VPS13A: variants seen among roughly 807,000 people sequenced by gnomAD.
VPS13A encodes vacuolar protein sorting 13 homolog A.
A neutral mutation model predicts 390.9 loss-of-function variants in VPS13A; 264 were observed. That is an observed-to-expected ratio of 0.68 (90% CI 0.61 to 0.75). VPS13A has a LOEUF of 0.75. Ranked by LOEUF, VPS13A falls within the 30% of genes least tolerant of loss-of-function variation. VPS13A has a pLI of 0.00. For missense variants in VPS13A, 3,409 were observed against 3,733.9 expected, an observed-to-expected ratio of 0.91 and a Z score of 2.27; for synonymous variants, 1,231 against 1,227.1, an observed-to-expected ratio of 1.00 and a Z score of -0.07.
At position 77,416,049 on chromosome 9, in the gene VPS13A, G is replaced by C. The variant is rs772790812; in HGVS notation, c.*43G>C. 1 of 1,607,376 alleles carries C rather than the reference G, an allele frequency of 6.2e-7. No homozygotes were observed. The highest frequency in any genetic ancestry group is 8.5e-7 in the Non-Finnish European group (1 of 1,174,276). The stretch of plus-strand genomic sequence containing the variant: ...AGACACACAGCAATAAGTGATTACA[G>C]CTCCTAGACTACCTTCCAAAACCTG... On this transcript the variant is annotated 3_prime_UTR_variant, in exon 72 of 72. Coordinates refer to ENST00000360280, the MANE Select transcript of VPS13A (RefSeq NM_033305.3).
At position 77,405,946 on chromosome 9, in the gene VPS13A, C is replaced by CCATT. The variant is rs1247168815; in HGVS notation, c.9363_9366dup (p.Val3123HisfsTer10). Reference sequence around the variant, plus strand: ...TAGTTTTGATGAATTTACCAAAGAGCCATTCATTGTTCATGGGAGAAGATT... The same window carrying CCATT: ...TAGTTTTGATGAATTTACCAAAGAGCCATTCATTCATTGTTCATGGGAGAAGATT... On this transcript the variant is annotated frameshift_variant, in exon 70 of 72. Coordinates refer to ENST00000360280, the MANE Select transcript of VPS13A (RefSeq NM_033305.3). LOFTEE classifies it high-confidence loss of function. 1.2e-6 allele frequency: 2 copies of CCATT among 1,613,790 alleles called. No homozygotes were observed. The highest frequency in any genetic ancestry group is 1.7e-6 in the Non-Finnish European group (2 of 1,179,950).
intron 41 of VPS13A, 91 bp downstream of exon 41, chr9:77,318,682 G>T (rs1047550507): frequency 3.8e-5 from 48 of 1,251,302 alleles, no homozygotes; most frequent in Non-Finnish European, 5.3e-5. Flanking sequence ...ATGGAATCTT[G>T]TGTAGCTATT....
At chr9:77,380,066 T>G (rs987624647) in intron 67 of VPS13A, among the ~76,000 whole-genome samples, 12 of 152,142 alleles carry the variant, frequency 7.9e-5, no homozygotes, top group African/African-American at 2.9e-4. Context: ...TTTTATCTTT[T>G]TGATGGATTG....
intron 23 of VPS13A, among the ~76,000 whole-genome samples, chr9:77,261,054 C>G (rs907239806): frequency 6.6e-6 from 1 of 152,092 alleles, no homozygotes; most frequent in Non-Finnish European, 1.5e-5. Flanking sequence ...CCCGCCACCA[C>G]GCCAGCTAAT....
At chr9:77,326,854 A>C (rs1473532158) in intron 45 of VPS13A, among the ~76,000 whole-genome samples, 3 of 151,954 alleles carry the variant, frequency 2.0e-5, no homozygotes, top group Non-Finnish European at 2.9e-5. Flanking sequence ...TGAGCCTTAG[A>C]TAATCTACAC....
intron 19 of VPS13A, 89 bp downstream of exon 19, chr9:77,238,475 T>C: frequency 1.0e-6 from 1 of 977,930 alleles, no homozygotes; most frequent in African/African-American, 1.6e-5. Flanking sequence ...TAAAGTTTAT[T>C]TTAAATTTAT....
At chr9:77,382,365 A>C (rs1833490580) in intron 68 of VPS13A, 1 of 1,506,876 alleles carries the variant, frequency 6.6e-7, no homozygotes, top group African/African-American at 1.4e-5. Context: ...TTTACAAACT[A>C]CGTACAGCTG....
chr9:77,267,901 G>C (rs535611010), intron 23 of VPS13A, among the ~76,000 whole-genome samples: 1 of 152,344 alleles, frequency 6.6e-6, no homozygotes, highest in Admixed American at 6.5e-5. Context: ...TCTGGCTACA[G>C]TGGCTTTGCT....
At chr9:77,216,952 A>G (rs1459186593) in intron 10 of VPS13A, among the ~76,000 whole-genome samples, 1 of 152,158 alleles carries the variant, frequency 6.6e-6, no homozygotes, top group Non-Finnish European at 1.5e-5. Flanking sequence ...CCATGCTGGC[A>G]GCTGATTAGA....
intron 68 of VPS13A, among the ~76,000 whole-genome samples, chr9:77,391,066 A>G (rs149990133): frequency 8.3e-4 from 127 of 152,300 alleles, no homozygotes; most frequent in African/African-American, 2.1e-3. Flanking sequence ...AGATCTGTCA[A>G]TACAGCTAAA....
chr9:77,407,073 A>G (rs1414443394), intron 70 of VPS13A, among the ~76,000 whole-genome samples: 1 of 152,242 alleles, frequency 6.6e-6, no homozygotes, highest in African/African-American at 2.4e-5. Context: ...TGGCAGAAGT[A>G]CATACATGCA....
chr9:77,324,196 G>A (rs1829886834), intron 45 of VPS13A, among the ~76,000 whole-genome samples: 1 of 152,090 alleles, frequency 6.6e-6, no homozygotes, highest in South Asian at 2.1e-4. Context: ...TAGTAGATTT[G>A]TGTAGATTTA....
chr9:77,277,207 A>T (rs925767234), intron 26 of VPS13A, among the ~76,000 whole-genome samples: 2 of 152,206 alleles, frequency 1.3e-5, no homozygotes, highest in African/African-American at 4.8e-5. Context: ...TCATTTTATT[A>T]AACTCCTTTG....
chr9:77,384,697 T>G, intron 68 of VPS13A: 2 of 1,589,936 alleles, frequency 1.3e-6, no homozygotes, highest in Non-Finnish European at 1.7e-6. Context: ...TCATATGTTC[T>G]TTATTTTACT....
At chr9:77,297,611 T>TA (rs1365651058) in intron 33 of VPS13A, among the ~76,000 whole-genome samples, 1 of 151,738 alleles carries the variant, frequency 6.6e-6, no homozygotes, top group East Asian at 1.9e-4. Context: ...GCAGGAGTGT[T>TA]AAACCATTCA....
intron 68 of VPS13A, among the ~76,000 whole-genome samples, chr9:77,400,212 TTATC>T (rs1488478468): frequency 1.3e-5 from 2 of 148,796 alleles, no homozygotes; most frequent in African/African-American, 5.0e-5. Context: ...TTTCTCATGT[TTATC>T]AGTCAGATTT....
In VPS13A at chr9:77,337,468, C is replaced by T. The variant is rs2131499011; in HGVS notation, c.6309C>T (p.Tyr2103=). Residue 2103 remains tyrosine, a synonymous_variant, in exon 47 of 72, where the codon TAC becomes TAT. Coordinates refer to ENST00000360280, the MANE Select transcript of VPS13A (RefSeq NM_033305.3). ...VYSEDGWDLP[Y]IMHLWPPILL... is the part of the protein sequence containing the mutation. The stretch of plus-strand genomic sequence containing the variant: ...CAGAAGATGGTTGGGATTTACCATA[C>T]ATAATGCATTTGTGGCCACCTATCC... 4.3e-6 allele frequency: 7 copies of T among 1,613,654 alleles called. No homozygotes were observed. The highest frequency in any genetic ancestry group is 5.9e-6 in the Non-Finnish European group (7 of 1,179,774).
intron 10 of VPS13A, among the ~76,000 whole-genome samples, chr9:77,218,765 A>G (rs1243912692): frequency 6.6e-6 from 1 of 152,002 alleles, no homozygotes; most frequent in Non-Finnish European, 1.5e-5. Flanking sequence ...AAGTGTATGA[A>G]TCATCTTTGG....
At chr9:77,250,378 C>A in intron 21 of VPS13A, 149 bp downstream of exon 21, 1 of 1,014,208 alleles carries the variant, frequency 9.9e-7, no homozygotes, top group Non-Finnish European at 1.5e-6. Flanking sequence ...GCTGTTCTTA[C>A]CAGGAGCAGT....
Sources: allele counts gnomAD v4.1 joint callset (sites outside exome capture counted in the v4.1 genomes callset), GRCh38; gene constraint gnomAD v4.1.1; transcripts MANE v1.5; gene names NCBI Gene and HGNC (gene_info 2026-07-23, HGNC 2026-07-21).